Variants in NLRP8 observed in about 807,000 individuals in gnomAD.
The protein encoded by NLRP8 is NACHT, LRR and PYD domains-containing protein 8.
Under a neutral mutation model 88.7 loss-of-function variants are expected in NLRP8, and 86 were observed. The ratio of observed to expected loss-of-function variants is 0.97; its 90% confidence interval spans 0.81 to 1.16. NLRP8 has a LOEUF of 1.16. Among genes scored for constraint, NLRP8 ranks in the 50% most tolerant of loss-of-function variants. The pLI is 0.00. For synonymous variants in NLRP8, 504 were observed against 494.6 expected (o/e 1.02, Z -0.25); for missense variants, 1,342 against 1,286.5 (o/e 1.04, Z -0.66).
chr19:55,987,212 G>A (rs924175129), intron 9 of NLRP8, among the ~76,000 whole-genome samples: 2 of 151,934 alleles, frequency 1.3e-5, no homozygotes, highest in African/African-American at 4.8e-5. Context: ...TCTAATAAAA[G>A]TACAAAAATG....
chr19:55,950,046 C>T (rs1458788593), intron 1 of NLRP8, among the ~76,000 whole-genome samples: 1 of 152,022 alleles, frequency 6.6e-6, no homozygotes, highest in Non-Finnish European at 1.5e-5. Context: ...GATGGAAACC[C>T]CGTGACCCAG....
At chr19:55,967,073 CAATT>C (rs1350436614) in intron 5 of NLRP8, among the ~76,000 whole-genome samples, 1 of 152,244 alleles carries the variant, frequency 6.6e-6, no homozygotes, top group East Asian at 1.9e-4. Flanking sequence ...GTATTACAAA[CAATT>C]GATTTATACT....
intron 1 of NLRP8, 104 bp from the exon 2 acceptor site, chr19:55,952,434 C>T: frequency 1.2e-6 from 1 of 825,656 alleles, no homozygotes; most frequent in South Asian, 1.5e-5. Flanking sequence ...GACTCTGAAG[C>T]CATGTGGCTG....
In NLRP8 at chr19:55,979,384, T is replaced by C; in HGVS notation, c.2877-10T>C. On this transcript the variant is annotated splice_polypyrimidine_tract_variant and intron_variant, in intron 8 of 9. Transcript: ENST00000291971. ...TTCTCTGCTGTCTGCTGTCTGTTTCTGTGTCACAGGCTGGAAAACTGCCTG... is the reference window on the plus strand; with the variant it reads ...TTCTCTGCTGTCTGCTGTCTGTTTCCGTGTCACAGGCTGGAAAACTGCCTG... 1.2e-6 allele frequency: 2 copies of C among 1,613,194 alleles called. No homozygotes were observed. Among genetic ancestry groups the C allele is most frequent in the African/African-American group, 1.3e-5 (1 of 75,046 alleles).
intron 9 of NLRP8, among the ~76,000 whole-genome samples, chr19:55,983,228 C>T (rs1338031697): frequency 2.4e-4 from 37 of 152,054 alleles, no homozygotes; most frequent in Admixed American, 2.4e-3. Flanking sequence ...TTTTGGGAAG[C>T]TGAGGCAGGT....
Position 55,954,660 on chromosome 19 carries a change from G to T in NLRP8, c.602G>T (p.Arg201Ile). 1 of 1,614,232 alleles carries T rather than the reference G, an allele frequency of 6.2e-7. No individual in the cohort carries two copies. The highest frequency in any genetic ancestry group is 8.5e-7 in the Non-Finnish European group (1 of 1,180,048). Residue 201 changes from arginine to isoleucine, a missense_variant, in exon 3 of 10, where the codon AGA becomes ATA. By Grantham distance (97) the Arg-to-Ile change is moderately conservative. Transcript: ENST00000291971. ...CTTCTGCCCAAAAGACCCCAGGGTAGACAGCCCAAGACCGTGGCCATACAG... is the reference window on the plus strand; with the variant it reads ...CTTCTGCCCAAAAGACCCCAGGGTATACAGCCCAAGACCGTGGCCATACAG...
intron 4 of NLRP8, among the ~76,000 whole-genome samples, chr19:55,963,046 C>T (rs1045629078): frequency 1.3e-5 from 2 of 152,172 alleles, no homozygotes; most frequent in African/African-American, 4.8e-5. Context: ...CAGAGTCTCA[C>T]TTTGTTGTCC....
At position 55,969,191 on chromosome 19, in the gene NLRP8, T is replaced by G. The variant is rs1979969135; in HGVS notation, c.2382-1353T>G. ...TCTTTAGTGGTGATTTCTAAGACTT[T>G]AGTGCACTTGTCACCCAAGCAGTGT... On this transcript the variant is annotated intron_variant, in intron 5 of 9. Transcript: ENST00000291971. 2.6e-5 allele frequency among the ~76,000 whole-genome samples: 4 copies of G among 152,340 alleles called. No homozygotes were observed. The South Asian group carries it at 8.3e-4, about 32-fold the overall frequency.
At chr19:55,967,621 GA>G (rs36118267) in intron 5 of NLRP8, among the ~76,000 whole-genome samples, 10,197 of 152,176 alleles carry the variant, frequency 0.067, 851 homozygotes, top group East Asian at 0.47. Context: ...GGTTGTTTCT[GA>G]ATCTTAGCTA....
Position 55,977,641 on chromosome 19 carries a change from T to C in NLRP8, c.2876+1338T>C, listed in dbSNP as rs1402661300. Among the ~76,000 whole-genome samples the C allele has an allele frequency of 2.7e-5, 4 of 150,712 alleles. No homozygotes were observed. In the East Asian group the frequency reaches 5.8e-4, roughly 22 times the overall value. ...CTAACATGTATACCAGCCAGTGATA[T>C]AAAAGCATTCGTTCTGTTTTTAATT... On this transcript the variant is annotated intron_variant, in intron 8 of 9. Coordinates refer to ENST00000291971, the MANE Select transcript of NLRP8 (RefSeq NM_176811.2).
chr19:55,975,683 G>T (rs1325523188), intron 7 of NLRP8, among the ~76,000 whole-genome samples: 3 of 152,030 alleles, frequency 2.0e-5, no homozygotes, highest in Non-Finnish European at 4.4e-5. Context: ...AACGCAAAAA[G>T]TCACATATTA....
rs749235012 is a variant in NLRP8 at position 55,976,149 on chromosome 19, T to C, written c.2722T>C (p.Leu908=). The C allele has an allele frequency of 1.2e-5, 20 of 1,607,272 alleles. No homozygotes were observed. Among genetic ancestry groups the C allele is most frequent in the Admixed American group, 3.5e-5 (2 of 57,696 alleles). The stretch of plus-strand genomic sequence containing the variant: ...TCTTTGCAGACTGAGAAAGTGTGAC[T>C]TGACCTTTAATTGCTGTCAGGATAT... The change falls in exon 8 of 10, where the codon TTG becomes CTG. Residue 908 remains leucine, a synonymous_variant. Coordinates refer to ENST00000291971, the MANE Select transcript of NLRP8 (RefSeq NM_176811.2).
intron 7 of NLRP8, among the ~76,000 whole-genome samples, chr19:55,975,427 G>T (rs1047118105): frequency 6.6e-6 from 1 of 152,122 alleles, no homozygotes; most frequent in Non-Finnish European, 1.5e-5. Context: ...CTGCTAGTAG[G>T]TGTATCCACA....
rs1347518679 is a variant in NLRP8, at chr19:55,981,255, G to T, written c.3047+1691G>T. Among the ~76,000 whole-genome samples the T allele has an allele frequency of 9.3e-5, 14 of 151,226 alleles. No individual in the cohort carries two copies. In the South Asian group the frequency reaches 2.9e-3, roughly 32 times the overall value. On this transcript the variant is annotated intron_variant, in intron 9 of 9. Coordinates refer to ENST00000291971, the MANE Select transcript of NLRP8 (RefSeq NM_176811.2). ...TTTTTTTTTTTCCTAATGAGAAATTGGGAAACAGTTGCCTATTTTGTGGGC... is the reference window on the plus strand; with the variant it reads ...TTTTTTTTTTTCCTAATGAGAAATTTGGAAACAGTTGCCTATTTTGTGGGC...
In NLRP8 at chr19:55,954,552, G is replaced by A; in HGVS notation, c.494G>A (p.Trp165Ter). 2.5e-6 allele frequency: 4 copies of A among 1,614,100 alleles called. No homozygotes were observed. Among genetic ancestry groups the A allele is most frequent in the Non-Finnish European group, 2.5e-6 (3 of 1,180,024 alleles). ...GTGATGGAAAAGTTTTTCCCCATAT[G>A]GGACATTACGACTTGGCCTGGAAAC... Residue 165 changes from tryptophan (W) to a stop codon, truncating the protein, a stop_gained, in exon 3 of 10, where the codon TGG becomes TAG. Coordinates refer to ENST00000291971, the MANE Select transcript of NLRP8 (RefSeq NM_176811.2). LOFTEE classifies it high-confidence loss of function.
chr19:55,981,446 A>G (rs1192048151), intron 9 of NLRP8, among the ~76,000 whole-genome samples: 3 of 152,178 alleles, frequency 2.0e-5, no homozygotes. Flanking sequence ...ACTCCTGGCT[A>G]CCAGAATGTC....
intron 7 of NLRP8, among the ~76,000 whole-genome samples, chr19:55,975,065 A>G (rs189496628): frequency 3.3e-5 from 5 of 152,318 alleles, no homozygotes; most frequent in African/African-American, 9.6e-5. Context: ...GAAACTGGCA[A>G]TCACTACACA....
rs1360444677 is a variant in NLRP8 at position 55,955,217 on chromosome 19, A to G, written c.1159A>G (p.Thr387Ala). The change falls in exon 3 of 10, where the codon ACC becomes GCC. Residue 387 changes from threonine (T) to alanine (A), a missense_variant. Coordinates refer to ENST00000291971, the MANE Select transcript of NLRP8 (RefSeq NM_176811.2). ...AGTCTTGAGTTTCGCCATGGAAAAC[A>G]CCATTCTCTTCTCCATGTGCCGGGT... 6.2e-7 allele frequency: 1 copy of G among 1,614,142 alleles called. No homozygotes were observed. The highest frequency in any genetic ancestry group is 1.1e-5 in the South Asian group (1 of 91,072).
chr19:55,957,673 TTATATATATATATA>T (rs10523999), intron 3 of NLRP8, among the ~76,000 whole-genome samples: 2,677 of 30,678 alleles, frequency 0.087, 66 homozygotes, highest in Non-Finnish European at 0.095. Flanking sequence ...AAAATAATAA[TTATATATATATATA>T]TATATATATA....
Sources: gnomAD v4.1 joint callset for allele counts (sites outside exome capture counted in the v4.1 genomes callset) on GRCh38, gnomAD v4.1.1 for gene constraint, MANE v1.5 for transcripts, NCBI Gene and HGNC (gene_info 2026-07-23, HGNC 2026-07-21) for gene names.